IQCK: variants seen among roughly 807,000 people sequenced by gnomAD.
IQCK encodes IQ domain-containing protein K.
A neutral mutation model predicts 28.1 loss-of-function variants in IQCK; 29 were observed. The observed-to-expected ratio is 1.03, with a 90% CI of 0.77 to 1.41. IQCK has a LOEUF of 1.41. Among genes scored for constraint, IQCK ranks in the 40% most tolerant of loss-of-function variants. The pLI, the probability that IQCK is intolerant of heterozygous loss-of-function variation, is 0.00. For missense variants in IQCK, 359 were observed against 314.7 expected (o/e 1.14, Z -1.07); for synonymous variants, 113 against 115.1 (o/e 0.98, Z 0.12).
downstream of IQCK, among the ~76,000 whole-genome samples, chr16:19,828,968 A>AT (rs1335916607): frequency 1.4e-5 from 2 of 144,042 alleles, no homozygotes; most frequent in Non-Finnish European, 3.0e-5. Flanking sequence ...AATTATATAT[A>AT]AATATATAAT....
chr16:19,735,657 C>T lies in IQCK; in HGVS notation c.474+207C>T, dbSNP rs568241017. On this transcript the variant is annotated intron_variant, in intron 4 of 7. Coordinates refer to ENST00000564186, the Ensembl canonical transcript of IQCK. Reference sequence around the variant, plus strand: ...GCTGCCATCTGTCTGGCCACTTGGACTCCGGAGAGCTTTTCCGCCTTGCTT... The same window carrying T: ...GCTGCCATCTGTCTGGCCACTTGGATTCCGGAGAGCTTTTCCGCCTTGCTT... 1.6e-5 allele frequency: 9 copies of T among 554,714 alleles called. No individual in the cohort carries two copies. The East Asian group carries it at 2.8e-4, about 17-fold the overall frequency. The allele number at this position is 554,714 out of a possible 1,614,324, so 34.4% of individuals were successfully genotyped here. A position where few individuals can be genotyped will look rare whatever the true frequency, so the allele number is the denominator to read the frequency against.
chr16:19,840,127 T>A (rs144286938), intron 9 of IQCK, among the ~76,000 whole-genome samples: 2,974 of 151,980 alleles, frequency 0.02, 100 homozygotes, highest in African/African-American at 0.068. Context: ...AGGCCAAGGC[T>A]GGTGGATCAC....
At chr16:19,718,433 T>C in exon 1 of IQCK, 1 of 1,606,734 alleles carries the variant, frequency 6.2e-7, no homozygotes, top group Non-Finnish European at 8.5e-7. Flanking sequence ...GCCTGTCTCG[T>C]CGTGGCAGGT....
At chr16:19,849,253 A>G (rs1289004240) in intron 9 of IQCK, among the ~76,000 whole-genome samples, 1 of 142,188 alleles carries the variant, frequency 7.0e-6, no homozygotes, top group Admixed American at 7.4e-5. Context: ...CATTACATCT[A>G]TGTTCAGGTT....
chr16:19,746,477 T>G lies in IQCK; in HGVS notation c.474+11027T>G, dbSNP rs534048523. Among the ~76,000 whole-genome samples the G allele has an allele frequency of 1.1e-4, 16 of 152,342 alleles. No individual in the cohort carries two copies. In the South Asian group the frequency reaches 3.3e-3, roughly 32 times the overall value. On this transcript the variant is annotated intron_variant, in intron 4 of 7. Transcript: ENST00000564186. ...ACCTGACATTCATTCCTACTGTGTCTCATGGTGATAAGGCTGTGGGTGCTG... is the reference window on the plus strand; with the variant it reads ...ACCTGACATTCATTCCTACTGTGTCGCATGGTGATAAGGCTGTGGGTGCTG...
rs566219929 is a variant in IQCK at position 19,742,396 on chromosome 16, C to T, written c.474+6946C>T. On this transcript the variant is annotated intron_variant, in intron 4 of 7. Coordinates refer to ENST00000564186, the Ensembl canonical transcript of IQCK. The stretch of plus-strand genomic sequence containing the variant: ...CATCTAGTCTTTTGTGGGTTATTTT[C>T]GAAGGCTTAAAAATGACATTAGTAC... 3.9e-5 allele frequency among the ~76,000 whole-genome samples: 6 copies of T among 152,244 alleles called. No individual in the cohort carries two copies. In the East Asian group the frequency reaches 5.8e-4, roughly 15 times the overall value.
intron 9 of IQCK, among the ~76,000 whole-genome samples, chr16:19,847,624 T>C (rs1032701949): frequency 3.3e-5 from 5 of 152,200 alleles, no homozygotes; most frequent in African/African-American, 9.7e-5. Flanking sequence ...ACATTATGTC[T>C]GGGAGATGCA....
chr16:19,855,318 G>A (rs1047510093), intron 9 of IQCK, among the ~76,000 whole-genome samples: 7 of 152,176 alleles, frequency 4.6e-5, no homozygotes, highest in Non-Finnish European at 5.9e-5. Flanking sequence ...AGGGCCAGGC[G>A]CAGTGGCTCA....
intron 6 of IQCK, among the ~76,000 whole-genome samples, chr16:19,777,889 A>G (rs2055416728): frequency 6.6e-6 from 1 of 151,908 alleles, no homozygotes; most frequent in Non-Finnish European, 1.5e-5. Context: ...CATCTCTACT[A>G]AAAAAATGCA....
intron 9 of IQCK, among the ~76,000 whole-genome samples, chr16:19,852,210 C>T (rs1444576660): frequency 3.9e-5 from 6 of 152,130 alleles, no homozygotes; most frequent in African/African-American, 9.7e-5. Flanking sequence ...AAGCAATACA[C>T]GAACATACCT....
chr16:19,852,540 T>C (rs565155978), intron 9 of IQCK, among the ~76,000 whole-genome samples: 1 of 152,320 alleles, frequency 6.6e-6, no homozygotes, highest in Admixed American at 6.5e-5. Context: ...CACGTTTGTA[T>C]GCATCTCTCA....
At chr16:19,804,475 T>C (rs2055807606) in intron 7 of IQCK, among the ~76,000 whole-genome samples, 1 of 152,016 alleles carries the variant, frequency 6.6e-6, no homozygotes, top group Non-Finnish European at 1.5e-5. Flanking sequence ...TCTCACTTTG[T>C]CACCTAGGCT....
At chr16:19,772,576 G>A (rs1326260727) in intron 6 of IQCK, among the ~76,000 whole-genome samples, 1 of 152,154 alleles carries the variant, frequency 6.6e-6, no homozygotes, top group Non-Finnish European at 1.5e-5. Context: ...ATGGACAGGG[G>A]TGAGGGAGGG....
At chr16:19,756,298 A>G (rs1332588510) in intron 4 of IQCK, among the ~76,000 whole-genome samples, 1 of 152,260 alleles carries the variant, frequency 6.6e-6, no homozygotes, top group Non-Finnish European at 1.5e-5. Context: ...AGCATGGAGC[A>G]GAGAGCCACA....
intron 9 of IQCK, among the ~76,000 whole-genome samples, chr16:19,834,361 A>C (rs1358999503): frequency 6.6e-6 from 1 of 152,224 alleles, no homozygotes; most frequent in Non-Finnish European, 1.5e-5. Context: ...CCACGCAGCC[A>C]GTCAGGCCAG....
At chr16:19,743,002 C>T (rs2054858543) in intron 4 of IQCK, among the ~76,000 whole-genome samples, 1 of 152,136 alleles carries the variant, frequency 6.6e-6, no homozygotes, top group South Asian at 2.1e-4. Context: ...AACCCTGTCT[C>T]TACTAAGAAT....
At chr16:19,765,943 C>T (rs2055229160) in intron 6 of IQCK, 1 of 152,146 alleles carries the variant, frequency 6.6e-6, no homozygotes, top group Admixed American at 6.5e-5. Context: ...TAAGAATCCT[C>T]TTAGCTTTAT....
chr16:19,750,469 T>C (rs1003692504), intron 4 of IQCK, among the ~76,000 whole-genome samples: 1 of 148,762 alleles, frequency 6.7e-6, no homozygotes, highest in African/African-American at 2.6e-5. Context: ...TGTTTGTTTT[T>C]GTTTTTTTTT....
intron 6 of IQCK, among the ~76,000 whole-genome samples, chr16:19,785,991 G>A (rs537085631): frequency 1.3e-5 from 2 of 152,236 alleles, no homozygotes; most frequent in East Asian, 1.9e-4. Context: ...AGTGACACCC[G>A]CAGGGCCGGA....
Sources: gnomAD v4.1 joint callset for allele counts (sites outside exome capture counted in the v4.1 genomes callset) on GRCh38, gnomAD v4.1.1 for gene constraint, MANE v1.5 for transcripts, NCBI Gene and HGNC (gene_info 2026-07-23, HGNC 2026-07-21) for gene names.